MCTP2: variants seen among roughly 807,000 people sequenced by gnomAD.
MCTP2 encodes the protein multiple C2 and transmembrane domain containing 2.
In MCTP2, 132 loss-of-function variants were observed where a neutral mutation model predicts 111.6. The observed-to-expected ratio is 1.18, with a 90% CI of 1.03 to 1.37. MCTP2 has a LOEUF of 1.37. MCTP2 is among the 40% of genes most tolerant of loss of function. MCTP2 has a pLI of 0.00. For synonymous variants in MCTP2, 395 were observed against 387.7 expected (o/e 1.02, Z -0.22); for missense variants, 1,183 against 1,067.9 (o/e 1.11, Z -1.50).
chr15:94,403,352 A>G (rs1596600188), intron 17 of MCTP2: 2 of 549,250 alleles, frequency 3.6e-6, no homozygotes, highest in Non-Finnish European at 4.6e-6. Context: ...TTCCCCTTCA[A>G]CCTCCCCAGC....
At chr15:94,410,816 T>G (rs1341378800) in intron 17 of MCTP2, among the ~76,000 whole-genome samples, 2 of 152,232 alleles carry the variant, frequency 1.3e-5, no homozygotes, top group African/African-American at 2.4e-5. Context: ...GATGTTGCTT[T>G]CTTTTTATTC....
chr15:94,418,692 AT>A (rs1299935368), intron 17 of MCTP2, among the ~76,000 whole-genome samples: 1 of 152,100 alleles, frequency 6.6e-6, no homozygotes, highest in African/African-American at 2.4e-5. Flanking sequence ...TGACTTTTCC[AT>A]TTATATGAAA....
chr15:94,375,056 A>G (rs2079689813), intron 12 of MCTP2, among the ~76,000 whole-genome samples: 1 of 152,196 alleles, frequency 6.6e-6, no homozygotes, highest in African/African-American at 2.4e-5. Flanking sequence ...CAGGCCGTAC[A>G]AGAAGCATGA....
intron 14 of MCTP2, among the ~76,000 whole-genome samples, chr15:94,389,798 T>C (rs957747799): frequency 6.6e-6 from 1 of 152,064 alleles, no homozygotes; most frequent in Non-Finnish European, 1.5e-5. Context: ...AATCAAGTTA[T>C]AAACCGTAAC....
intron 17 of MCTP2, among the ~76,000 whole-genome samples, chr15:94,434,069 G>A (rs2083328677): frequency 6.6e-6 from 1 of 151,964 alleles, no homozygotes; most frequent in African/African-American, 2.4e-5. Context: ...AGCAAAAGGA[G>A]TATATTTTAT....
At chr15:94,269,238 A>G (rs1204614274) in intron 1 of MCTP2, among the ~76,000 whole-genome samples, 2 of 152,220 alleles carry the variant, frequency 1.3e-5, no homozygotes, top group Non-Finnish European at 2.9e-5. Flanking sequence ...TTAAGCATGA[A>G]TCATGAGTTA....
chr15:94,356,444 A>G, intron 9 of MCTP2, 143 bp downstream of exon 9: 1 of 665,476 alleles, frequency 1.5e-6, no homozygotes, highest in East Asian at 3.3e-5. Context: ...AAAACAAAAT[A>G]ATTGTATAGA....
At chr15:94,319,165 A>G (rs2076516294) in intron 4 of MCTP2, among the ~76,000 whole-genome samples, 1 of 152,044 alleles carries the variant, frequency 6.6e-6, no homozygotes, top group African/African-American at 2.4e-5. Context: ...GACTATGTCA[A>G]CTTCTGTTTG....
intron 11 of MCTP2, among the ~76,000 whole-genome samples, chr15:94,368,554 T>C (rs1229446530): frequency 6.6e-6 from 1 of 152,228 alleles, no homozygotes; most frequent in East Asian, 1.9e-4. Context: ...GCATAAACTT[T>C]AGTGTCTCCA....
chr15:94,262,604 A>G (rs1047123696), intron 1 of MCTP2, among the ~76,000 whole-genome samples: 1 of 152,188 alleles, frequency 6.6e-6, no homozygotes, highest in African/African-American at 2.4e-5. Flanking sequence ...TTAATGGTGA[A>G]ATAAATATAT....
At chr15:94,357,296 G>A (rs747559664) in intron 9 of MCTP2, among the ~76,000 whole-genome samples, 11 of 152,196 alleles carry the variant, frequency 7.2e-5, no homozygotes, top group Non-Finnish European at 4.4e-5. Context: ...TAAGACAGAA[G>A]TATGCAGATA....
chr15:94,440,277 C>T lies in MCTP2; in HGVS notation c.2187C>T (p.Val729=), dbSNP rs1158776519. Reference sequence around the variant, plus strand: ...TCATCAGACCTGTGAAAGGCAAGGTCAGCAGCATCCAGGACAGCCAGGTAA... The same window carrying T: ...TCATCAGACCTGTGAAAGGCAAGGTTAGCAGCATCCAGGACAGCCAGGTAA... ...YNFIRPVKGK[V]SSIQDSQEST... Residue 729 remains valine (V), a synonymous_variant, in exon 18 of 23, where the codon GTC becomes GTT. Coordinates refer to ENST00000357742, the MANE Select transcript of MCTP2 (RefSeq NM_001385001.1). 6.2e-7 allele frequency: 1 copy of T among 1,614,102 alleles called. No homozygotes were observed. Among genetic ancestry groups the T allele is most frequent in the Non-Finnish European group, 8.5e-7 (1 of 1,179,990 alleles).
At chr15:94,430,726 T>C (rs976518532) in intron 17 of MCTP2, among the ~76,000 whole-genome samples, 1 of 151,990 alleles carries the variant, frequency 6.6e-6, no homozygotes, top group Non-Finnish European at 1.5e-5. Flanking sequence ...CCCTCTAGCC[T>C]TGGTGACAGA....
chr15:94,245,273 T>A (rs979972520), intron 1 of MCTP2, among the ~76,000 whole-genome samples: 39 of 137,082 alleles, frequency 2.8e-4, no homozygotes, highest in Non-Finnish European at 5.5e-4. Flanking sequence ...TATGTGTATA[T>A]ACGTATATAC....
intron 13 of MCTP2, among the ~76,000 whole-genome samples, chr15:94,384,945 TA>T (rs1862255679): frequency 6.6e-6 from 1 of 152,212 alleles, no homozygotes; most frequent in East Asian, 1.9e-4. Flanking sequence ...AATATTAAAA[TA>T]TGTATATTTT....
chr15:94,234,859 C>T (rs993987705), intron 1 of MCTP2, among the ~76,000 whole-genome samples: 27 of 152,148 alleles, frequency 1.8e-4, no homozygotes, highest in African/African-American at 6.0e-4. Flanking sequence ...ATAGAGATGC[C>T]ACAGGGGCCT....
intron 21 of MCTP2, 34 bp downstream of exon 21, chr15:94,470,476 A>T (rs774844333): frequency 7.4e-7 from 1 of 1,358,478 alleles, no homozygotes; most frequent in South Asian, 1.2e-5. Flanking sequence ...CTAGCAATCA[A>T]TTCCAGGTAA....
chr15:94,348,297 G>C (rs1012528712), intron 8 of MCTP2, among the ~76,000 whole-genome samples: 5 of 150,728 alleles, frequency 3.3e-5, no homozygotes, highest in East Asian at 2.0e-4. Flanking sequence ...ACACTGAGAA[G>C]ACAGTCATAG....
intron 4 of MCTP2, among the ~76,000 whole-genome samples, chr15:94,327,484 C>G (rs1376901147): frequency 6.6e-6 from 1 of 152,194 alleles, no homozygotes; most frequent in Non-Finnish European, 1.5e-5. Context: ...ATTGAAAATT[C>G]AGTCCTTTTT....
Sources: gnomAD v4.1 joint callset for allele counts (sites outside exome capture counted in the v4.1 genomes callset) on GRCh38, gnomAD v4.1.1 for gene constraint, MANE v1.5 for transcripts, NCBI Gene and HGNC (gene_info 2026-07-23, HGNC 2026-07-21) for gene names.